The following VIRMA variants were observed in gnomAD, a reference collection of about 807,000 sequenced individuals.
VIRMA encodes the protein vir like m6A methyltransferase associated.
A neutral mutation model predicts 182.4 loss-of-function variants in VIRMA; 65 were observed. That is an observed-to-expected ratio of 0.36 (90% CI 0.29 to 0.44). The LOEUF is 0.44. VIRMA is among the 20% of genes least tolerant of loss of function. The pLI is 1.00. For synonymous variants in VIRMA, 709 were observed against 743.1 expected, an observed-to-expected ratio of 0.95 and a Z score of 0.75; for missense variants, 1,752 against 2,158.1, an observed-to-expected ratio of 0.81 and a Z score of 3.73.
intron 9 of VIRMA, 143 bp downstream of exon 9, chr8:94,518,842 T>A: frequency 1.3e-6 from 1 of 770,438 alleles, no homozygotes; most frequent in Non-Finnish European, 2.1e-6. Flanking sequence ...TCTGTCACTC[T>A]AACCTTTAAT....
In VIRMA at chr8:94,529,093, C is replaced by CCTTCTTCCTCTTCAT; in HGVS notation, c.842_856dup (p.Asp281_Glu285dup). ...ACCTTCACCTTCTTCATCCTCTTCA[C>CCTTCTTCCTCTTCAT]CTTCTTCCTCTTCATCTTCCTCTTC... On this transcript the variant is annotated inframe_insertion, in exon 7 of 24. Transcript: ENST00000297591. The CCTTCTTCCTCTTCAT allele has an allele frequency of 6.3e-7, 1 of 1,584,610 alleles. No individual in the cohort carries two copies. Among genetic ancestry groups the CCTTCTTCCTCTTCAT allele is most frequent in the Non-Finnish European group, 8.7e-7 (1 of 1,153,414 alleles).
intron 6 of VIRMA, among the ~76,000 whole-genome samples, 166 bp from the exon 7 acceptor site, chr8:94,529,508 C>A (rs560250465): frequency 6.6e-6 from 1 of 152,130 alleles, no homozygotes; most frequent in African/African-American, 2.4e-5. Context: ...ATACACTGTA[C>A]AACTTCTACA....
chr8:94,492,378 G>T (rs1475166132), intron 21 of VIRMA, among the ~76,000 whole-genome samples: 8 of 150,728 alleles, frequency 5.3e-5, no homozygotes, highest in African/African-American at 1.7e-4. Flanking sequence ...CCACCTCCCG[G>T]GTTCACACCA....
At chr8:94,492,221 A>C (rs1173712565) in intron 21 of VIRMA, among the ~76,000 whole-genome samples, 1 of 152,136 alleles carries the variant, frequency 6.6e-6, no homozygotes, top group Non-Finnish European at 1.5e-5. Context: ...AATTTAAAAA[A>C]TTCAAACAAT....
rs1813894700 is a variant in VIRMA, at chr8:94,499,477, T to C, written c.4127A>G (p.His1376Arg). The C allele has an allele frequency of 1.9e-6, 3 of 1,583,762 alleles. No individual in the cohort carries two copies. The East Asian group carries it at 6.7e-5, about 35-fold the overall frequency. The part of the protein sequence containing the change: ...SSLRKNSSAL[H>R]SLLKRVVSTF... Reference sequence around the variant, plus strand: ...GCTGACCACTCGTTTCAGTAAACTATGCAGAGCACTACTGTTTTTCCTTAA... The same window carrying C: ...GCTGACCACTCGTTTCAGTAAACTACGCAGAGCACTACTGTTTTTCCTTAA... The change falls in exon 17 of 24, where the codon CAT becomes CGT. Residue 1376 changes from histidine to arginine, a missense_variant. This residue lies in a region of VIRMA where 777 missense variants were observed against 920.6 expected (regional missense o/e 0.84). Transcript: ENST00000297591.
In VIRMA at chr8:94,512,054, G is replaced by A; in HGVS notation, c.2787C>T (p.Gly929=). ...IDNLMTPEGV[G]LTTALRVLCN... ...AGAGAACACGTAAGGCAGTGGTAAG[G>A]CCAACTCCTTCTGGGGTCATCAAGT... Residue 929 remains glycine (G), a synonymous_variant, in exon 12 of 24, where the codon GGC becomes GGT. Coordinates refer to ENST00000297591, the MANE Select transcript of VIRMA (RefSeq NM_015496.5). The A allele has an allele frequency of 1.3e-6, 2 of 1,522,332 alleles. No individual in the cohort carries two copies. The highest frequency in any genetic ancestry group is 1.8e-6 in the Non-Finnish European group (2 of 1,134,996). The allele number at this position is 1,522,332 out of a possible 1,614,324, so 94.3% of individuals were successfully genotyped here. A position where few individuals can be genotyped will look rare whatever the true frequency, so the allele number is the denominator to read the frequency against.
chr8:94,492,731 G>A lies in VIRMA; in HGVS notation c.4729C>T (p.Pro1577Ser). The A allele has an allele frequency of 6.2e-7, 1 of 1,613,844 alleles. No homozygotes were observed. Among genetic ancestry groups the A allele is most frequent in the Admixed American group, 1.7e-5 (1 of 60,004 alleles). Reference protein sequence around the residue: ...SELERSFLSEPSSPGRTKTTK... With the variant: ...SELERSFLSESSSPGRTKTTK... ...GTCTTGGTTCTTCCTGGAGATGATG[G>A]TTCTGACAAAAATGAGCGCTCTAAT... Residue 1577 changes from proline (P) to serine (S), a missense_variant, in exon 21 of 24, where the codon CCA (proline) becomes TCA (serine). Pro to Ser is a moderately conservative substitution (Grantham distance 74). Transcript: ENST00000297591.
rs760367793 is a variant in VIRMA, at chr8:94,510,470, A to T, written c.3573T>A (p.Thr1191=). 3.7e-6 allele frequency: 6 copies of T among 1,614,026 alleles called. No individual in the cohort carries two copies. Among genetic ancestry groups the T allele is most frequent in the Non-Finnish European group, 5.1e-6 (6 of 1,180,002 alleles). The change falls in exon 14 of 24, where the codon ACT becomes ACA. Residue 1191 remains threonine, a synonymous_variant. Transcript: ENST00000297591. ...CVQLCDLASP[T]ALLIMRTVLD... is the part of the protein sequence containing the mutation. ...ACACAGTTCTCATAATCAGAAGTGC[A>T]GTTGGTGAGGCAAGGTCACACAATT... is the stretch of plus-strand genomic sequence containing the variant.
At chr8:94,515,546 A>AT (rs1814533231) in intron 10 of VIRMA, among the ~76,000 whole-genome samples, 1 of 151,178 alleles carries the variant, frequency 6.6e-6, no homozygotes, top group South Asian at 2.1e-4. Context: ...TAATTTTTGT[A>AT]TTTTTTGTAG....
At chr8:94,549,704 T>C (rs930963103) in intron 1 of VIRMA, among the ~76,000 whole-genome samples, 3 of 152,212 alleles carry the variant, frequency 2.0e-5, no homozygotes, top group Admixed American at 6.5e-5. Flanking sequence ...CAGAAAAATG[T>C]ATGATGGTGG....
At position 94,526,655 on chromosome 8, in the gene VIRMA, C is replaced by T. The variant is rs751709983; in HGVS notation, c.1589G>A (p.Gly530Asp). 4 of 1,614,090 alleles carry T rather than the reference C, an allele frequency of 2.5e-6. No individual in the cohort carries two copies. The highest frequency in any genetic ancestry group is 3.4e-6 in the Non-Finnish European group (4 of 1,180,028). Reference sequence around the variant, plus strand: ...TATGAGTTCCAGAAGCTTTTGATAACCACTTTTTTCATTCTGCCTACCTCT... The same window carrying T: ...TATGAGTTCCAGAAGCTTTTGATAATCACTTTTTTCATTCTGCCTACCTCT... ...FLRGRQNEKS[G>D]YQKLLELILL... Residue 530 changes from glycine to aspartate, a missense_variant, in exon 8 of 24, where the codon GGT (glycine) becomes GAT (aspartate). By Grantham distance (94) the Gly-to-Asp change is moderately conservative (BLOSUM62 -1). Coordinates refer to ENST00000297591, the MANE Select transcript of VIRMA (RefSeq NM_015496.5).
intron 21 of VIRMA, 142 bp from the exon 22 acceptor site, chr8:94,492,051 T>A: frequency 1.7e-6 from 1 of 595,856 alleles, no homozygotes; most frequent in Non-Finnish European, 2.8e-6. Flanking sequence ...ACTTCTGGGA[T>A]AATATAACAA....
intron 1 of VIRMA, chr8:94,547,129 T>C (rs1815799249): frequency 2.4e-6 from 1 of 408,806 alleles, no homozygotes; most frequent in African/African-American, 2.1e-5. Context: ...GCCTCTTATC[T>C]CTCCCATTAG....
chr8:94,493,035 C>T (rs1191803241), intron 20 of VIRMA, among the ~76,000 whole-genome samples: 1 of 152,142 alleles, frequency 6.6e-6, no homozygotes, highest in Non-Finnish European at 1.5e-5. Context: ...TTGTGTGTGG[C>T]ATTCTTCAAA....
intron 11 of VIRMA, among the ~76,000 whole-genome samples, chr8:94,514,046 A>T (rs1329366311): frequency 6.6e-6 from 1 of 152,194 alleles, no homozygotes; most frequent in African/African-American, 2.4e-5. Context: ...AATAATATAC[A>T]CTGCAATTCC....
In VIRMA at chr8:94,488,700, G is replaced by C; in HGVS notation, c.*6C>G. On this transcript the variant is annotated 3_prime_UTR_variant, in exon 24 of 24. Coordinates refer to ENST00000297591, the MANE Select transcript of VIRMA (RefSeq NM_015496.5). The stretch of plus-strand genomic sequence containing the variant: ...ATATACAGTTAAGATGTTCCCAAAA[G>C]GATTTTTATCGTGTAAAGGAGCGTA... 12 of 1,613,776 alleles carry C rather than the reference G, an allele frequency of 7.4e-6. No homozygotes were observed. The highest frequency in any genetic ancestry group is 1.0e-5 in the Non-Finnish European group (12 of 1,179,822).
chr8:94,526,238 T>C lies in VIRMA; in HGVS notation c.2006A>G (p.Tyr669Cys), dbSNP rs1814959302. 6.2e-7 allele frequency: 1 copy of C among 1,610,326 alleles called. No homozygotes were observed. Among genetic ancestry groups the C allele is most frequent in the Non-Finnish European group, 8.5e-7 (1 of 1,178,292 alleles). The change falls in exon 8 of 24, where the codon TAC becomes TGC. Residue 669 changes from tyrosine (Y) to cysteine (C), a missense_variant. By Grantham distance (194) the Tyr-to-Cys change is radical. This residue lies in a region of VIRMA where 401 missense variants were observed against 455.1 expected (regional missense o/e 0.88). Coordinates refer to ENST00000297591, the MANE Select transcript of VIRMA (RefSeq NM_015496.5). ...CATGTCTTACCTAAAGAGAACAGGG[T>C]ATGGATCATCCCTCTCTGGAGGTCC... ...ITGPPERDDPYPVLFRYLHSH... is the reference protein window; with the variant it reads ...ITGPPERDDPCPVLFRYLHSH...
chr8:94,496,092 G>T (rs1286160319), intron 18 of VIRMA: 3 of 613,148 alleles, frequency 4.9e-6, no homozygotes, highest in Non-Finnish European at 8.2e-6. Context: ...AGCAGCAGAG[G>T]GTACCCTGCT....
At position 94,511,981 on chromosome 8, in the gene VIRMA, C is replaced by T. The variant is rs3099412; in HGVS notation, c.2845+15G>A. Reference sequence around the variant, plus strand: ...CTTAAGAATCGTAGTTTTTAAAATACAGTAGCCACATTACCTTCAACAGGA... The same window carrying T: ...CTTAAGAATCGTAGTTTTTAAAATATAGTAGCCACATTACCTTCAACAGGA... On this transcript the variant is annotated intron_variant, in intron 12 of 23. Coordinates refer to ENST00000297591, the MANE Select transcript of VIRMA (RefSeq NM_015496.5). 869,572 of 1,451,148 alleles carry T rather than the reference C, an allele frequency of 0.6. 268,742 individuals carry two copies. Among genetic ancestry groups the T allele is most frequent in the African/African-American group, 0.84 (58,182 of 69,506 alleles). 89.9% of individuals were successfully genotyped at this position (1,451,148 alleles called of 1,614,324 possible). A position where few individuals can be genotyped will look rare whatever the true frequency, so the allele number is the denominator to read the frequency against.
Sources: gnomAD v4.1 joint callset for allele counts (sites outside exome capture counted in the v4.1 genomes callset) on GRCh38, gnomAD v4.1.1 for gene constraint, gnomAD v4.1.1 regional missense constraint, MANE v1.5 for transcripts, NCBI Gene and HGNC (gene_info 2026-07-23, HGNC 2026-07-21) for gene names.